UBASH3B: variants seen among roughly 807,000 people sequenced by gnomAD.
UBASH3B encodes the protein ubiquitin associated and SH3 domain containing B.
A neutral mutation model predicts 83.4 loss-of-function variants in UBASH3B; 37 were observed. The observed-to-expected ratio is 0.44, with a 90% CI of 0.34 to 0.58. The LOEUF (loss-of-function observed/expected upper bound fraction) is 0.58, where lower values mean the gene tolerates loss of function less well. UBASH3B is among the 20% of genes least tolerant of loss of function. UBASH3B has a pLI of 0.01. For synonymous variants in UBASH3B, 304 were observed against 318.3 expected, an observed-to-expected ratio of 0.96 and a Z score of 0.48; for missense variants, 657 against 827.2, an observed-to-expected ratio of 0.79 and a Z score of 2.52.
At position 122,727,055 on chromosome 11, in the gene UBASH3B, G is replaced by GT. The variant is rs957443913; in HGVS notation, c.162-49157dup. 2.0e-5 allele frequency among the ~76,000 whole-genome samples: 3 copies of GT among 152,246 alleles called. No homozygotes were observed. The East Asian group carries it at 5.8e-4, about 29-fold the overall frequency. On this transcript the variant is annotated intron_variant, in intron 1 of 13. Transcript: ENST00000284273. ...TTGCTAATTGTTAACAAGTTGCTGG[G>GT]TTTTTTTCCTCCCCTCCAGCTCTTC...
intron 1 of UBASH3B, among the ~76,000 whole-genome samples, chr11:122,710,831 C>T (rs1300431533): frequency 2.0e-5 from 3 of 150,980 alleles, no homozygotes; most frequent in Non-Finnish European, 4.4e-5. Context: ...AGAGGAACCC[C>T]AGGTGGGTAG....
At chr11:122,702,681 C>T (rs1864057770) in intron 1 of UBASH3B, among the ~76,000 whole-genome samples, 1 of 152,036 alleles carries the variant, frequency 6.6e-6, no homozygotes, top group South Asian at 2.1e-4. Context: ...CATGCTACCA[C>T]ACCCGGCAAA....
chr11:122,699,757 A>AT (rs972337881), intron 1 of UBASH3B, among the ~76,000 whole-genome samples: 36 of 151,658 alleles, frequency 2.4e-4, no homozygotes, highest in African/African-American at 7.5e-4. Flanking sequence ...TAATTTTTGT[A>AT]TTTTTTTGTA....
rs920980082 is a variant in UBASH3B, at chr11:122,655,861, C to T, written c.-189C>T. The T allele has an allele frequency of 1.5e-5, 9 of 597,620 alleles. No individual in the cohort carries two copies. In the Admixed American group the frequency reaches 2.1e-4, roughly 14 times the overall value. The allele number at this position is 597,620 out of a possible 1,614,324, so 37.0% of individuals were successfully genotyped here. On this transcript the variant is annotated 5_prime_UTR_variant, in exon 1 of 14. Coordinates refer to ENST00000284273, the MANE Select transcript of UBASH3B (RefSeq NM_032873.5). ...CAGCGGCCGCTTGCCGGCGTTCTGG[C>T]TCCTGTGGCCTCACCAGGAAGCGTC...
At chr11:122,763,238 G>T (rs1026177651) in intron 1 of UBASH3B, among the ~76,000 whole-genome samples, 1 of 152,190 alleles carries the variant, frequency 6.6e-6, no homozygotes, top group African/African-American at 2.4e-5. Context: ...CACCACCCAT[G>T]GTCTAATGGC....
chr11:122,684,827 A>G lies in UBASH3B; in HGVS notation c.161+28617A>G, dbSNP rs1863788535. On this transcript the variant is annotated intron_variant, in intron 1 of 13. Transcript: ENST00000284273. Reference sequence around the variant, plus strand: ...TGGTCAGGCTGGTCTCGAACTCCTGACCTCAGGTGATCCACCCGCCTTGGC... The same window carrying G: ...TGGTCAGGCTGGTCTCGAACTCCTGGCCTCAGGTGATCCACCCGCCTTGGC... Among the ~76,000 whole-genome samples the G allele has an allele frequency of 2.0e-5, 3 of 152,008 alleles. No individual in the cohort carries two copies. The South Asian group carries it at 6.2e-4, about 31-fold the overall frequency.
intron 1 of UBASH3B, among the ~76,000 whole-genome samples, chr11:122,685,495 A>T (rs906983719): frequency 9.2e-5 from 14 of 152,198 alleles, no homozygotes; most frequent in African/African-American, 3.1e-4. Flanking sequence ...AATCTGACAC[A>T]TCCTCGTGAT....
At chr11:122,742,464 G>A (rs975107112) in intron 1 of UBASH3B, among the ~76,000 whole-genome samples, 1 of 152,194 alleles carries the variant, frequency 6.6e-6, no homozygotes, top group East Asian at 1.9e-4. Flanking sequence ...AAGGAAGAGG[G>A]CCAGGAAAAG....
intron 1 of UBASH3B, among the ~76,000 whole-genome samples, chr11:122,676,213 G>A (rs1175802759): frequency 6.6e-6 from 1 of 151,598 alleles, no homozygotes; most frequent in Non-Finnish European, 1.5e-5. Flanking sequence ...GACCAGCCTG[G>A]GCAACAAGGA....
At chr11:122,667,037 CTTTTTTTTTTT>C (rs148029449) in intron 1 of UBASH3B, among the ~76,000 whole-genome samples, 12 of 101,546 alleles carry the variant, frequency 1.2e-4, no homozygotes, top group Non-Finnish European at 1.7e-4. Flanking sequence ...TAATGGCATT[CTTTTTTTTTTT>C]TTTTTTTTTT....
chr11:122,701,294 T>C (rs959951487), intron 1 of UBASH3B, among the ~76,000 whole-genome samples: 1 of 152,226 alleles, frequency 6.6e-6, no homozygotes, highest in Non-Finnish European at 1.5e-5. Flanking sequence ...TTGTGCACTG[T>C]AGCCTGAATC....
intron 12 of UBASH3B, among the ~76,000 whole-genome samples, chr11:122,807,106 C>T (rs1861354721): frequency 6.6e-6 from 1 of 152,096 alleles, no homozygotes; most frequent in African/African-American, 2.4e-5. Flanking sequence ...CAGCCATGAG[C>T]AACAGTATTA....
At chr11:122,739,904 A>G (rs1860997230) in intron 1 of UBASH3B, among the ~76,000 whole-genome samples, 1 of 152,212 alleles carries the variant, frequency 6.6e-6, no homozygotes, top group East Asian at 1.9e-4. Context: ...TTTCTTCTTC[A>G]GTGTTCTCCT....
At chr11:122,681,513 G>C (rs1565527106) in intron 1 of UBASH3B, among the ~76,000 whole-genome samples, 1 of 152,170 alleles carries the variant, frequency 6.6e-6, no homozygotes, top group South Asian at 2.1e-4. Flanking sequence ...CACGTGTGTA[G>C]TAGGTCCTCG....
At chr11:122,748,506 CT>C (rs1449093801) in intron 1 of UBASH3B, among the ~76,000 whole-genome samples, 1 of 152,224 alleles carries the variant, frequency 6.6e-6, no homozygotes, top group Non-Finnish European at 1.5e-5. Context: ...GGAAAACAGC[CT>C]GTTGTTAATG....
chr11:122,728,018 T>TA (rs1860774146), intron 1 of UBASH3B, among the ~76,000 whole-genome samples: 3 of 151,860 alleles, frequency 2.0e-5, no homozygotes, highest in East Asian at 1.9e-4. Flanking sequence ...TTATTATTAT[T>TA]TTTAGAGATG....
chr11:122,793,447 C>A (rs767589764), intron 6 of UBASH3B, among the ~76,000 whole-genome samples: 4 of 152,124 alleles, frequency 2.6e-5, no homozygotes, highest in Non-Finnish European at 4.4e-5. Context: ...AGGTGGTAGC[C>A]TAAACGGGTT....
At chr11:122,807,509 G>A (rs1384375784) in intron 12 of UBASH3B, among the ~76,000 whole-genome samples, 1 of 151,972 alleles carries the variant, frequency 6.6e-6, no homozygotes, top group South Asian at 2.1e-4. Flanking sequence ...GGATCTTGTC[G>A]GTATGTATGT....
At chr11:122,785,300 T>C (rs549130963) in intron 5 of UBASH3B, among the ~76,000 whole-genome samples, 72 of 152,294 alleles carry the variant, frequency 4.7e-4, no homozygotes, top group African/African-American at 1.7e-3. Flanking sequence ...ACCTCTCCCG[T>C]GAGGTCTTTC....
Sources: allele counts gnomAD v4.1 joint callset (sites outside exome capture counted in the v4.1 genomes callset), GRCh38; gene constraint gnomAD v4.1.1; transcripts MANE v1.5; gene names NCBI Gene and HGNC (gene_info 2026-07-23, HGNC 2026-07-21).